CCDC192: variants seen among roughly 807,000 people sequenced by gnomAD.
CCDC192 encodes coiled-coil domain containing 192, also known as coiled-coil domain-containing protein 192.
chr5:127,708,192 C>A (rs1449189204), intron 2 of CCDC192, among the ~76,000 whole-genome samples: 1 of 152,200 alleles, frequency 6.6e-6, no homozygotes, highest in Non-Finnish European at 1.5e-5. Context: ...AAATCACAGT[C>A]TATTCCAGAT....
intron 5 of CCDC192, among the ~76,000 whole-genome samples, chr5:127,805,933 G>A (rs561493382): frequency 1.3e-5 from 2 of 152,218 alleles, no homozygotes; most frequent in African/African-American, 4.8e-5. Context: ...CCATTAGTGG[G>A]TCTTGCTGCC....
At chr5:127,726,335 C>T (rs1453528725) in intron 2 of CCDC192, among the ~76,000 whole-genome samples, 5 of 152,152 alleles carry the variant, frequency 3.3e-5, no homozygotes, top group African/African-American at 1.2e-4. Context: ...AATTAAACAA[C>T]ATGTCGGGGA....
intron 2 of CCDC192, among the ~76,000 whole-genome samples, chr5:127,737,156 C>T (rs1039183956): frequency 7.2e-5 from 11 of 151,904 alleles, no homozygotes; most frequent in African/African-American, 2.7e-4. Context: ...TTTCAAAGAA[C>T]ATCTTCATTT....
In CCDC192 at chr5:127,928,770, CT is replaced by C. The variant is rs1162784202; in HGVS notation, c.536-12399del. 5.4e-3 allele frequency among the ~76,000 whole-genome samples: 778 copies of C among 144,730 alleles called. 3 individuals carry two copies. The highest frequency in any genetic ancestry group is 0.014 in the African/African-American group (573 of 39,840). The allele number at this position is 144,730 out of a possible 152,430, so 94.9% of individuals were successfully genotyped here. On this transcript the variant is annotated intron_variant, in intron 6 of 6. Transcript: ENST00000514853. ...AATAACAAATTTTAGCCATGTTATTCTTTTTTTTTTTTTAAGACGGAGTCTC... is the reference window on the plus strand; with the variant it reads ...AATAACAAATTTTAGCCATGTTATTCTTTTTTTTTTTTAAGACGGAGTCTC...
chr5:127,758,595 T>A (rs1020666331), intron 3 of CCDC192, among the ~76,000 whole-genome samples: 28 of 152,162 alleles, frequency 1.8e-4, no homozygotes, highest in African/African-American at 6.5e-4. Context: ...CTCAACATAT[T>A]ACCAAGTTTT....
chr5:127,705,683 T>C (rs1021214713), intron 1 of CCDC192, among the ~76,000 whole-genome samples: 1 of 152,028 alleles, frequency 6.6e-6, no homozygotes, highest in East Asian at 1.9e-4. Context: ...ATTTGAGTTA[T>C]GGTGTGAAGA....
At chr5:127,909,148 C>A (rs1471348336) in intron 6 of CCDC192, among the ~76,000 whole-genome samples, 1 of 152,104 alleles carries the variant, frequency 6.6e-6, no homozygotes, top group Non-Finnish European at 1.5e-5. Flanking sequence ...TCTGTGAAGG[C>A]AGACACAAGA....
intron 3 of CCDC192, among the ~76,000 whole-genome samples, chr5:127,777,212 T>G (rs1158744271): frequency 6.6e-6 from 1 of 152,220 alleles, no homozygotes; most frequent in East Asian, 1.9e-4. Flanking sequence ...CCCAAGACCA[T>G]GGGAGCCCAC....
intron 5 of CCDC192, among the ~76,000 whole-genome samples, chr5:127,806,750 G>A (rs1225729843): frequency 1.3e-5 from 2 of 152,044 alleles, no homozygotes; most frequent in African/African-American, 4.8e-5. Context: ...CAGCCATTGA[G>A]GCTCACCCAG....
intron 6 of CCDC192, among the ~76,000 whole-genome samples, chr5:127,926,961 G>T (rs1408926170): frequency 6.6e-6 from 1 of 152,108 alleles, no homozygotes; most frequent in African/African-American, 2.4e-5. Context: ...AGGGGAGAGT[G>T]CTCTGAGGAA....
chr5:127,816,276 C>T (rs777121902), intron 5 of CCDC192, among the ~76,000 whole-genome samples: 1 of 152,082 alleles, frequency 6.6e-6, no homozygotes, highest in Non-Finnish European at 1.5e-5. Flanking sequence ...AGGGAATTTG[C>T]TCATTGAACC....
intron 3 of CCDC192, among the ~76,000 whole-genome samples, chr5:127,756,136 GAA>G (rs58301453): frequency 1.5e-5 from 2 of 134,362 alleles, no homozygotes; most frequent in Non-Finnish European, 1.6e-5. Context: ...CTGTCTCAAA[GAA>G]AAAAAAAAAA....
At chr5:127,724,554 T>TA (rs934565921) in intron 2 of CCDC192, among the ~76,000 whole-genome samples, 17 of 151,388 alleles carry the variant, frequency 1.1e-4, no homozygotes, top group African/African-American at 2.9e-4. Context: ...GTTTGTGGTT[T>TA]AAAAAAAAAG....
At position 127,941,182 on chromosome 5, in the gene CCDC192, AAGAC is replaced by A. The variant is rs1754392223; in HGVS notation, c.539_542del (p.Asp180AlafsTer22). The A allele has an allele frequency of 2.5e-6, 1 of 398,964 alleles. No homozygotes were observed. The highest frequency in any genetic ancestry group is 4.4e-5 in the Admixed American group (1 of 22,714). The allele number at this position is 398,964 out of a possible 1,614,324, so 24.7% of individuals were successfully genotyped here. ...ACTTTCCTTTTCTTGTTTGCTTTAG[AAGAC>A]AGCTTGCTGGAAGGGTTCTGTGGAG... On this transcript the variant is annotated frameshift_variant and splice_region_variant, in exon 7 of 7. Transcript: ENST00000514853. LOFTEE classifies it low-confidence loss of function (END_TRUNC).
intron 3 of CCDC192, among the ~76,000 whole-genome samples, chr5:127,793,379 G>C (rs1403067266): frequency 6.6e-6 from 1 of 152,176 alleles, no homozygotes; most frequent in Admixed American, 6.5e-5. Context: ...GTGGGTTAGA[G>C]AGAATTCTAA....
intron 5 of CCDC192, among the ~76,000 whole-genome samples, chr5:127,866,250 T>G (rs745934165): frequency 6.6e-6 from 1 of 152,018 alleles, no homozygotes; most frequent in Non-Finnish European, 1.5e-5. Flanking sequence ...ATATTACCTT[T>G]CAAGTAAAAG....
rs370590202 is a variant in CCDC192 at position 127,724,364 on chromosome 5, C to T, written c.114+16604C>T. ...TGTCTGTGGTGACTACATTCTGAATCCTATTAATGTTTTTCTTCCAAATTA... is the reference window on the plus strand; with the variant it reads ...TGTCTGTGGTGACTACATTCTGAATTCTATTAATGTTTTTCTTCCAAATTA... On this transcript the variant is annotated intron_variant, in intron 2 of 6. Transcript: ENST00000514853. 1.4e-4 allele frequency among the ~76,000 whole-genome samples: 21 copies of T among 152,182 alleles called. No individual in the cohort carries two copies. In the South Asian group the frequency reaches 2.3e-3, roughly 17 times the overall value.
chr5:127,774,582 G>A (rs187501946), intron 3 of CCDC192, among the ~76,000 whole-genome samples: 188 of 152,170 alleles, frequency 1.2e-3, no homozygotes, highest in Non-Finnish European at 2.1e-3. Context: ...GGTTGATTTC[G>A]GAACTCTCAG....
intron 2 of CCDC192, among the ~76,000 whole-genome samples, chr5:127,724,713 G>C (rs552476324): frequency 2.0e-5 from 3 of 152,052 alleles, no homozygotes; most frequent in African/African-American, 7.2e-5. Context: ...TCAGGGTGTG[G>C]TGGCACGCGC....
Sources: allele counts gnomAD v4.1 joint callset (sites outside exome capture counted in the v4.1 genomes callset), GRCh38; gene constraint gnomAD v4.1.1; transcripts MANE v1.5; gene names NCBI Gene and HGNC (gene_info 2026-07-23, HGNC 2026-07-21).